The following GLI3 variants were observed in gnomAD, a reference collection of about 807,000 sequenced individuals.
GLI3 encodes the protein transcription activator GLI3.
Under a neutral mutation model 100.8 loss-of-function variants are expected in GLI3, and 20 were observed. That is an observed-to-expected ratio of 0.20 (90% confidence interval 0.14 to 0.29). The LOEUF is 0.29. Ranked by LOEUF, GLI3 falls within the 10% of genes least tolerant of loss-of-function variation. The pLI is 1.00. For synonymous variants in GLI3, 938 were observed against 860.5 expected (o/e 1.09, Z -1.58); for missense variants, 2,040 against 2,128.5 (o/e 0.96, Z 0.82).
chr7:42,044,482 T>A (rs1225537426), intron 6 of GLI3, among the ~76,000 whole-genome samples: 7 of 152,122 alleles, frequency 4.6e-5, no homozygotes, highest in Admixed American at 4.6e-4. Context: ...CAAAAATCAT[T>A]ACACACCTAA....
chr7:42,022,865 G>A (rs1788983157), intron 10 of GLI3, among the ~76,000 whole-genome samples: 1 of 152,208 alleles, frequency 6.6e-6, no homozygotes, highest in African/African-American at 2.4e-5. Flanking sequence ...GAGAGGAGGT[G>A]TGGTTCTCAA....
intron 1 of GLI3, among the ~76,000 whole-genome samples, chr7:42,263,526 A>C (rs919612961): frequency 6.6e-6 from 1 of 151,510 alleles, no homozygotes; most frequent in African/African-American, 2.4e-5. Flanking sequence ...TGTTCACTGC[A>C]ACCTCCTCCT....
At chr7:42,107,545 G>A (rs892801948) in intron 3 of GLI3, among the ~76,000 whole-genome samples, 15 of 152,226 alleles carry the variant, frequency 9.9e-5, no homozygotes, top group African/African-American at 3.6e-4. Context: ...CTTGCTGACT[G>A]AGAATGGCAC....
intron 3 of GLI3, among the ~76,000 whole-genome samples, chr7:42,132,750 A>C (rs1292267885): frequency 1.3e-5 from 2 of 152,222 alleles, no homozygotes; most frequent in Non-Finnish European, 2.9e-5. Context: ...TGGGATCCTC[A>C]GAAAATTAGC....
At chr7:42,141,327 G>A (rs1476487615) in intron 3 of GLI3, among the ~76,000 whole-genome samples, 1 of 152,082 alleles carries the variant, frequency 6.6e-6, no homozygotes, top group East Asian at 1.9e-4. Flanking sequence ...TTAAAATTAC[G>A]GTCCCCATCC....
chr7:42,119,861 C>T (rs575161637), intron 3 of GLI3, among the ~76,000 whole-genome samples: 6 of 152,126 alleles, frequency 3.9e-5, no homozygotes, highest in African/African-American at 1.4e-4. Context: ...CTTTCTACCC[C>T]CTGTTTGGTT....
chr7:42,061,474 T>A (rs1392284630), intron 4 of GLI3, among the ~76,000 whole-genome samples: 1 of 152,158 alleles, frequency 6.6e-6, no homozygotes, highest in Non-Finnish European at 1.5e-5. Context: ...TTAAGTTATA[T>A]AGAGATGTCC....
intron 3 of GLI3, among the ~76,000 whole-genome samples, chr7:42,095,309 C>T (rs903311577): frequency 2.6e-4 from 39 of 152,290 alleles, no homozygotes; most frequent in African/African-American, 7.9e-4. Context: ...CCGGGAACCA[C>T]GGAAGCGTGC....
chr7:42,084,901 CTTTTTTT>C (rs747166719), intron 3 of GLI3, among the ~76,000 whole-genome samples: 2 of 47,502 alleles, frequency 4.2e-5, no homozygotes, highest in South Asian at 9.4e-4. Flanking sequence ...CATTTGGATT[CTTTTTTT>C]TTTTTTTTTT....
chr7:42,092,131 G>T (rs1785234015), intron 3 of GLI3, among the ~76,000 whole-genome samples: 1 of 152,182 alleles, frequency 6.6e-6, no homozygotes, highest in Non-Finnish European at 1.5e-5. Flanking sequence ...GAGATTATCT[G>T]CCCTGCGGCC....
At chr7:42,231,624 A>C (rs1358096081) in intron 1 of GLI3, among the ~76,000 whole-genome samples, 1 of 152,230 alleles carries the variant, frequency 6.6e-6, no homozygotes, top group Non-Finnish European at 1.5e-5. Context: ...ACTGGATTCC[A>C]GGTTTCCATA....
chr7:42,005,394 T>C (rs1788426525), intron 10 of GLI3, among the ~76,000 whole-genome samples: 1 of 151,642 alleles, frequency 6.6e-6, no homozygotes, highest in Non-Finnish European at 1.5e-5. Flanking sequence ...GATGGATGGA[T>C]AGATGGATGG....
chr7:41,985,797 C>T (rs1261224625), intron 10 of GLI3, among the ~76,000 whole-genome samples: 1 of 152,120 alleles, frequency 6.6e-6, no homozygotes, highest in Non-Finnish European at 1.5e-5. Flanking sequence ...AAATGCTTCA[C>T]TAGGCAGACA....
At chr7:42,079,625 G>A (rs546646581) in intron 3 of GLI3, among the ~76,000 whole-genome samples, 14 of 152,272 alleles carry the variant, frequency 9.2e-5, no homozygotes, top group Admixed American at 3.3e-4. Flanking sequence ...TCATAAAGTC[G>A]TACCCATCTC....
At chr7:42,210,728 A>ATC (rs1788256650) in intron 2 of GLI3, among the ~76,000 whole-genome samples, 2 of 152,198 alleles carry the variant, frequency 1.3e-5, no homozygotes, top group East Asian at 3.9e-4. Flanking sequence ...AAATTATCTT[A>ATC]TCTCTCTCTC....
intron 10 of GLI3, among the ~76,000 whole-genome samples, chr7:41,979,162 C>T (rs1787587834): frequency 6.6e-6 from 1 of 152,320 alleles, no homozygotes; most frequent in Admixed American, 6.5e-5. Flanking sequence ...AGATGTTCTC[C>T]AACTCTCACA....
chr7:42,070,942 T>A (rs1784772765), intron 4 of GLI3, among the ~76,000 whole-genome samples: 1 of 152,218 alleles, frequency 6.6e-6, no homozygotes. Context: ...ATAGCTACTA[T>A]TAATAGAATC....
intron 4 of GLI3, among the ~76,000 whole-genome samples, chr7:42,070,680 A>G (rs926895587): frequency 2.6e-5 from 4 of 152,208 alleles, no homozygotes; most frequent in African/African-American, 9.6e-5. Context: ...GTATTCAAAA[A>G]TGTCAGCTAT....
chr7:42,101,052 T>A (rs972128598), intron 3 of GLI3, among the ~76,000 whole-genome samples: 6 of 152,202 alleles, frequency 3.9e-5, no homozygotes, highest in African/African-American at 1.4e-4. Context: ...AATTTTGTTT[T>A]GGGAAGGCCG....
Sources: gnomAD v4.1 joint callset for allele counts (sites outside exome capture counted in the v4.1 genomes callset) on GRCh38, gnomAD v4.1.1 for gene constraint, MANE v1.5 for transcripts, NCBI Gene and HGNC (gene_info 2026-07-23, HGNC 2026-07-21) for gene names.